Variants in SCAMP1 observed in about 807,000 individuals in gnomAD.
SCAMP1 encodes secretory carrier-associated membrane protein 1.
SCAMP1 carries 15 observed loss-of-function variants against 41.8 expected under a neutral mutation model. The ratio of observed to expected loss-of-function variants is 0.36; its 90% CI spans 0.24 to 0.55. SCAMP1 has a LOEUF of 0.55. Ranked by LOEUF, SCAMP1 falls within the 20% of genes least tolerant of loss-of-function variation. The probability of loss-of-function intolerance (pLI) is 0.86; values close to 1 mark genes in which losing one functional copy is unlikely to be tolerated. For synonymous variants in SCAMP1, 135 were observed against 136.8 expected, an observed-to-expected ratio of 0.99 and a Z score of 0.09; for missense variants, 341 against 412.6, an observed-to-expected ratio of 0.83 and a Z score of 1.50.
intron 6 of SCAMP1, among the ~76,000 whole-genome samples, chr5:78,436,760 G>T (rs891432985): frequency 6.6e-6 from 1 of 152,142 alleles, no homozygotes; most frequent in Admixed American, 6.6e-5. Flanking sequence ...ATTCTGTGAA[G>T]AAAGTCACTG....
Position 78,431,658 on chromosome 5 carries a change from C to G in SCAMP1, c.632+9698C>G, listed in dbSNP as rs200192449. ...GCCCTAATTTTTACAATATATGTCT[C>G]TAATCATAGTCTCTGTATTCAAATA... On this transcript the variant is annotated intron_variant, in intron 6 of 8. Transcript: ENST00000621999. Among the ~76,000 whole-genome samples the G allele has an allele frequency of 3.2e-4, 48 of 149,634 alleles. 1 individual carries two copies. The East Asian group carries it at 9.1e-3, about 28-fold the overall frequency.
intron 6 of SCAMP1, among the ~76,000 whole-genome samples, chr5:78,443,755 C>A (rs1752987138): frequency 6.9e-6 from 1 of 144,196 alleles, no homozygotes; most frequent in Non-Finnish European, 1.5e-5. Context: ...ATTTTCCAGG[C>A]TCAAATGATC....
intron 8 of SCAMP1, among the ~76,000 whole-genome samples, chr5:78,466,707 C>T (rs1209982312): frequency 6.6e-6 from 1 of 151,922 alleles, no homozygotes; most frequent in African/African-American, 2.4e-5. Context: ...TGGTAGTGAG[C>T]CATAGAAGAG....
At chr5:78,374,406 AAATTGTTTCATGG>A (rs1327265623) in intron 1 of SCAMP1, among the ~76,000 whole-genome samples, 1 of 152,102 alleles carries the variant, frequency 6.6e-6, no homozygotes, top group Non-Finnish European at 1.5e-5. Flanking sequence ...ACTTGGAATA[AAATTGTTTCATGG>A]AATTGCTTCA....
At chr5:78,410,670 G>T (rs1752053424) in intron 2 of SCAMP1, among the ~76,000 whole-genome samples, 1 of 152,166 alleles carries the variant, frequency 6.6e-6, no homozygotes, top group African/African-American at 2.4e-5. Flanking sequence ...ACAGTAATGG[G>T]ATTGCTGGGT....
In SCAMP1 at chr5:78,480,186, T is replaced by C. The variant is rs891286813; in HGVS notation, c.*4518T>C. ...TGATTTATTTTTCAGTTCATATCTT[T>C]CTGGGCTTGACATGGCTGATGGTGT... On this transcript the variant is annotated 3_prime_UTR_variant, in exon 9 of 9. Transcript: ENST00000621999. Among the ~76,000 whole-genome samples the C allele has an allele frequency of 6.6e-6, 1 of 152,242 alleles. No homozygotes were observed. The highest frequency in any genetic ancestry group is 1.5e-5 in the Non-Finnish European group (1 of 68,042).
chr5:78,479,770 T>C lies in SCAMP1; in HGVS notation c.*4102T>C, dbSNP rs145040032. ...TAATGTATAGGATTTTGGCCAGGTG[T>C]GGTGGCTCACGCCTGTAATCCCAGC... is the stretch of plus-strand genomic sequence containing the variant. On this transcript the variant is annotated 3_prime_UTR_variant, in exon 9 of 9. Coordinates refer to ENST00000621999, the MANE Select transcript of SCAMP1 (RefSeq NM_004866.6). 3.7e-4 allele frequency among the ~76,000 whole-genome samples: 57 copies of C among 152,206 alleles called. No homozygotes were observed. Among genetic ancestry groups the C allele is most frequent in the Non-Finnish European group, 5.9e-4 (40 of 68,012 alleles).
intron 8 of SCAMP1, among the ~76,000 whole-genome samples, chr5:78,465,062 C>T (rs1224260458): frequency 6.6e-6 from 1 of 152,202 alleles, no homozygotes; most frequent in African/African-American, 2.4e-5. Flanking sequence ...TTTCAAGACC[C>T]AGCTCCGATC....
At chr5:78,454,124 G>A (rs1416698233) in intron 7 of SCAMP1, among the ~76,000 whole-genome samples, 2 of 152,174 alleles carry the variant, frequency 1.3e-5, no homozygotes, top group Non-Finnish European at 2.9e-5. Context: ...CATGTCGTCT[G>A]CAAACAGGGA....
chr5:78,429,890 G>A (rs964739697), intron 6 of SCAMP1, among the ~76,000 whole-genome samples: 5 of 151,758 alleles, frequency 3.3e-5, no homozygotes, highest in African/African-American at 9.7e-5. Flanking sequence ...CTGCTATGGA[G>A]AATAAAGCTT....
intron 6 of SCAMP1, among the ~76,000 whole-genome samples, chr5:78,423,381 T>G (rs1362521306): frequency 6.6e-6 from 1 of 152,200 alleles, no homozygotes; most frequent in African/African-American, 2.4e-5. Flanking sequence ...TTGCTGTTAT[T>G]TTCTTCGTTA....
chr5:78,396,846 T>G (rs542456177), intron 2 of SCAMP1, among the ~76,000 whole-genome samples: 1 of 152,342 alleles, frequency 6.6e-6, no homozygotes, highest in African/African-American at 2.4e-5. Context: ...CAAATAAAAT[T>G]AAGACAGAAA....
intron 6 of SCAMP1, among the ~76,000 whole-genome samples, chr5:78,437,248 T>G (rs532005836): frequency 6.6e-6 from 1 of 152,202 alleles, no homozygotes; most frequent in African/African-American, 2.4e-5. Flanking sequence ...TCCAACACTA[T>G]GTTGAATAGG....
chr5:78,362,182 GAGACCGT>G (rs1247539638), intron 1 of SCAMP1, among the ~76,000 whole-genome samples: 1 of 152,114 alleles, frequency 6.6e-6, no homozygotes, highest in Non-Finnish European at 1.5e-5. Flanking sequence ...ACTTTCTAAA[GAGACCGT>G]TCATAAATTG....
intron 1 of SCAMP1, among the ~76,000 whole-genome samples, chr5:78,364,124 G>T (rs898791069): frequency 4.6e-5 from 7 of 152,198 alleles, no homozygotes; most frequent in African/African-American, 1.7e-4. Flanking sequence ...TACTGAAGAA[G>T]TGTCTCTGTC....
At chr5:78,423,022 A>G (rs1355701237) in intron 6 of SCAMP1, among the ~76,000 whole-genome samples, 151 of 7,044 alleles carry the variant, frequency 0.021, 2 homozygotes, top group African/African-American at 0.14. Flanking sequence ...GCGCGCACAC[A>G]CACACACACA....
chr5:78,425,601 A>C (rs534582219), intron 6 of SCAMP1, among the ~76,000 whole-genome samples: 2 of 152,236 alleles, frequency 1.3e-5, no homozygotes, highest in South Asian at 4.2e-4. Flanking sequence ...TGGTAAAATA[A>C]AGACCTGTTT....
chr5:78,437,711 G>C (rs1329274416), intron 6 of SCAMP1, among the ~76,000 whole-genome samples: 2 of 152,182 alleles, frequency 1.3e-5, no homozygotes, highest in African/African-American at 4.8e-5. Context: ...TTTGGTGTCA[G>C]GATGATGCTG....
At chr5:78,428,230 TG>T (rs1752515289) in intron 6 of SCAMP1, among the ~76,000 whole-genome samples, 1 of 152,200 alleles carries the variant, frequency 6.6e-6, no homozygotes, top group Non-Finnish European at 1.5e-5. Flanking sequence ...TGAAGGTTAT[TG>T]GTCTTTATTT....
Sources: gnomAD v4.1 joint callset for allele counts (sites outside exome capture counted in the v4.1 genomes callset) on GRCh38, gnomAD v4.1.1 for gene constraint, MANE v1.5 for transcripts, NCBI Gene and HGNC (gene_info 2026-07-23, HGNC 2026-07-21) for gene names.